ACTR3C: variants seen among roughly 807,000 people sequenced by gnomAD.
ACTR3C encodes actin related protein 3C.
ACTR3C carries 18 observed loss-of-function variants against 26.3 expected under a neutral mutation model. That is an observed-to-expected ratio of 0.68 (90% CI 0.47 to 1.01). The LOEUF (loss-of-function observed/expected upper bound fraction) is 1.01. ACTR3C is among the 50% of genes least tolerant of loss of function. ACTR3C has a pLI of 0.00. For synonymous variants in ACTR3C, 55 were observed against 94.5 expected, an observed-to-expected ratio of 0.58 and a Z score of 2.42; for missense variants, 184 against 250.7, an observed-to-expected ratio of 0.73 and a Z score of 1.80.
the ACTR3C span, among the ~76,000 whole-genome samples, chr7:150,033,698 T>G: frequency 1.4e-5 from 2 of 143,596 alleles, no homozygotes; most frequent in South Asian, 2.3e-4. Flanking sequence ...CCACTTGCGA[T>G]GGGGGTACTA....
the ACTR3C span, among the ~76,000 whole-genome samples, chr7:150,013,419 C>G: frequency 6.6e-6 from 1 of 152,248 alleles, no homozygotes; most frequent in Non-Finnish European, 1.5e-5. Context: ...ATTCATAAGG[C>G]AGCTGTTCTC....
the ACTR3C span, among the ~76,000 whole-genome samples, chr7:150,060,375 C>G: frequency 6.6e-6 from 1 of 150,602 alleles, no homozygotes; most frequent in African/African-American, 2.5e-5. Context: ...TAAAAAGTGA[C>G]AAAAAAACAC....
chr7:149,972,234 G>T, the ACTR3C span, among the ~76,000 whole-genome samples: 1 of 152,164 alleles, frequency 6.6e-6, no homozygotes. Context: ...TGCTCAAAAA[G>T]CACAAAGCAT....
the ACTR3C span, among the ~76,000 whole-genome samples, chr7:150,176,075 A>G: frequency 0.022 from 3,334 of 150,856 alleles, 81 homozygotes; most frequent in Non-Finnish European, 0.033. Flanking sequence ...ATACTACGTT[A>G]AGAGTATCAA....
At chr7:150,287,415 G>A (rs1835877009) in intron 4 of ACTR3C, among the ~76,000 whole-genome samples, 1 of 152,158 alleles carries the variant, frequency 6.6e-6, no homozygotes, top group East Asian at 1.9e-4. Context: ...ACCCTGCACC[G>A]ACAGGCAGCC....
At chr7:150,141,770 G>A in the ACTR3C span, among the ~76,000 whole-genome samples, 2 of 152,000 alleles carry the variant, frequency 1.3e-5, no homozygotes, top group African/African-American at 4.8e-5. Flanking sequence ...CTACAAGCAG[G>A]GGGTGTGGGA....
chr7:150,215,446 A>G, the ACTR3C span, among the ~76,000 whole-genome samples: 1 of 152,162 alleles, frequency 6.6e-6, no homozygotes, highest in Admixed American at 6.5e-5. Context: ...TATTACGATT[A>G]TTAATCACTG....
At chr7:150,209,199 A>T in the ACTR3C span, among the ~76,000 whole-genome samples, 1 of 148,836 alleles carries the variant, frequency 6.7e-6, no homozygotes, top group Middle Eastern at 3.4e-3. Flanking sequence ...ACACACTCAC[A>T]CACATACAGA....
At chr7:150,211,743 G>C in the ACTR3C span, among the ~76,000 whole-genome samples, 2 of 151,732 alleles carry the variant, frequency 1.3e-5, no homozygotes, top group East Asian at 3.9e-4. Context: ...TGCTAAGATC[G>C]AGTCTACTGA....
chr7:150,058,746 C>T, the ACTR3C span, among the ~76,000 whole-genome samples: 1 of 152,062 alleles, frequency 6.6e-6, no homozygotes, highest in Non-Finnish European at 1.5e-5. Context: ...GAAACCTCGG[C>T]TCTACTAAAA....
the ACTR3C span, among the ~76,000 whole-genome samples, chr7:149,899,108 G>A: frequency 1.3e-5 from 2 of 151,184 alleles, no homozygotes; most frequent in Admixed American, 1.3e-4. Flanking sequence ...TTCCCCTGCT[G>A]GAGTAGTGTC....
the ACTR3C span, among the ~76,000 whole-genome samples, chr7:150,026,523 T>C: frequency 9.4e-5 from 14 of 148,822 alleles, no homozygotes; most frequent in African/African-American, 3.5e-4. Flanking sequence ...GTTTGGCCCA[T>C]GGGTAATTCA....
the ACTR3C span, among the ~76,000 whole-genome samples, chr7:149,945,900 T>C: frequency 3.9e-5 from 6 of 151,996 alleles, no homozygotes; most frequent in Non-Finnish European, 8.8e-5. Context: ...GCAGACAAGA[T>C]CACGGAGTCC....
chr7:150,020,770 C>T, the ACTR3C span, among the ~76,000 whole-genome samples: 1 of 151,992 alleles, frequency 6.6e-6, no homozygotes, highest in African/African-American at 2.4e-5. Context: ...ATCTGCTCTT[C>T]CCTTTTCCTA....
chr7:149,968,129 A>T, the ACTR3C span, among the ~76,000 whole-genome samples: 1 of 152,400 alleles, frequency 6.6e-6, no homozygotes, highest in Admixed American at 6.5e-5. Flanking sequence ...GAGAAGACCC[A>T]GCAGTAACAA....
the ACTR3C span, among the ~76,000 whole-genome samples, chr7:150,112,485 C>T: frequency 3.3e-5 from 5 of 152,176 alleles, no homozygotes; most frequent in African/African-American, 9.6e-5. Context: ...GCCATCCTGG[C>T]CATTGCCATC....
the ACTR3C span, among the ~76,000 whole-genome samples, chr7:150,059,871 C>T: frequency 3.3e-5 from 5 of 152,180 alleles, no homozygotes; most frequent in Admixed American, 6.5e-5. Flanking sequence ...CCATGTAGCA[C>T]GCAGGCTAAG....
At chr7:149,977,841 T>C in the ACTR3C span, among the ~76,000 whole-genome samples, 2 of 152,026 alleles carry the variant, frequency 1.3e-5, no homozygotes, top group African/African-American at 2.4e-5. Context: ...TCACCTGAGA[T>C]GATGTAAAAC....
the ACTR3C span, among the ~76,000 whole-genome samples, chr7:150,202,818 G>A: frequency 6.6e-6 from 1 of 152,206 alleles, no homozygotes; most frequent in Non-Finnish European, 1.5e-5. Flanking sequence ...AGATGATAAA[G>A]CTTGTTAATG....
Sources: gnomAD v4.1 joint callset for allele counts (sites outside exome capture counted in the v4.1 genomes callset) on GRCh38, gnomAD v4.1.1 for gene constraint, MANE v1.5 for transcripts, NCBI Gene and HGNC (gene_info 2026-07-23, HGNC 2026-07-21) for gene names.